FRMD4B: variants seen among roughly 807,000 people sequenced by gnomAD.
FRMD4B encodes the protein FERM domain-containing protein 4B.
In FRMD4B, 74 loss-of-function variants were observed where a neutral mutation model predicts 141.5. That is an observed-to-expected ratio of 0.52 (90% CI 0.43 to 0.63). The LOEUF (loss-of-function observed/expected upper bound fraction) is 0.63. FRMD4B is among the 30% of genes least tolerant of loss of function. The probability of loss-of-function intolerance (pLI) is 0.00; values close to 1 mark genes in which losing one functional copy is unlikely to be tolerated. For missense variants in FRMD4B, 1,366 were observed against 1,253.4 expected (o/e 1.09, Z -1.36); for synonymous variants, 506 against 467.9 (o/e 1.08, Z -1.05).
chr3:69,316,500 TAAAA>T (rs200299553), intron 1 of FRMD4B, among the ~76,000 whole-genome samples: 1 of 127,810 alleles, frequency 7.8e-6, no homozygotes, highest in African/African-American at 3.0e-5. Context: ...AATGTCTAAC[TAAAA>T]AAAAAAAAAA....
rs1292126554 is a variant in FRMD4B at position 69,216,282 on chromosome 3, T to A, written c.857A>T (p.Asp286Val). ...YKGIGQYDIQ[D>V]KVKPRKLFQW... ...ACTTACCTTCCGAGGCTTCACCTTG[T>A]CTTGTATATCATATTGGCCAATTCC... Residue 286 changes from aspartate (D) to valine (V), a missense_variant, in exon 11 of 23, where the codon GAC becomes GTC. Asp to Val is a radical substitution (Grantham distance 152). Transcript: ENST00000398540. 1 of 1,560,676 alleles carries A rather than the reference T, an allele frequency of 6.4e-7. No individual in the cohort carries two copies. The highest frequency in any genetic ancestry group is 1.8e-5 in the Admixed American group (1 of 56,134).
At chr3:69,335,655 T>C (rs1702522388) in intron 1 of FRMD4B, among the ~76,000 whole-genome samples, 1 of 151,368 alleles carries the variant, frequency 6.6e-6, no homozygotes, top group Non-Finnish European at 1.5e-5. Flanking sequence ...AGACAATTTT[T>C]CCCCCAATAC....
At chr3:69,254,229 C>G (rs979160119) in intron 5 of FRMD4B, among the ~76,000 whole-genome samples, 10 of 152,042 alleles carry the variant, frequency 6.6e-5, no homozygotes, top group African/African-American at 2.4e-4. Context: ...CTCAGCCTCC[C>G]AAGTAGCTGG....
intron 2 of FRMD4B, among the ~76,000 whole-genome samples, chr3:69,417,310 G>A (rs1704884727): frequency 6.6e-6 from 1 of 152,174 alleles, no homozygotes; most frequent in African/African-American, 2.4e-5. Context: ...CAGTGACGAT[G>A]AGCTTTTTTT....
chr3:69,426,517 G>A (rs771754500), intron 2 of FRMD4B, among the ~76,000 whole-genome samples: 2 of 152,098 alleles, frequency 1.3e-5, no homozygotes, highest in Admixed American at 6.6e-5. Flanking sequence ...TGTGAGACCC[G>A]TTCTGAGTTC....
In FRMD4B at chr3:69,181,808, A is replaced by G. The variant is rs139294486; in HGVS notation, c.2040-98T>C. 2.3e-5 allele frequency: 16 copies of G among 707,682 alleles called. No individual in the cohort carries two copies. The African/African-American group carries it at 2.9e-4, about 13-fold the overall frequency. 43.8% of individuals were successfully genotyped at this position (707,682 alleles called of 1,614,324 possible). On this transcript the variant is annotated intron_variant, in intron 20 of 22. Transcript: ENST00000398540. ...ATGCTGAATGACTGAATAGCTCGTG[A>G]ATTACAATAGGACTTTGAGTTGCCA...
chr3:69,333,818 A>G (rs920503023), intron 1 of FRMD4B: 2 of 152,210 alleles, frequency 1.3e-5, no homozygotes, highest in Admixed American at 1.3e-4. Flanking sequence ...GCTCTTGAGG[A>G]TAAAGTAGTG....
At chr3:69,498,971 G>C (rs1559546445) in intron 1 of FRMD4B, among the ~76,000 whole-genome samples, 3 of 152,086 alleles carry the variant, frequency 2.0e-5, no homozygotes, top group Admixed American at 6.5e-5. Flanking sequence ...TTAATATCAT[G>C]AAAAATAAAA....
intron 1 of FRMD4B, among the ~76,000 whole-genome samples, chr3:69,329,262 G>C (rs146937296): frequency 6.6e-6 from 1 of 152,284 alleles, no homozygotes; most frequent in Non-Finnish European, 1.5e-5. Flanking sequence ...CTCTAAAATA[G>C]ATTTACTAAT....
At chr3:69,329,445 G>A (rs1025318338) in intron 1 of FRMD4B, among the ~76,000 whole-genome samples, 1 of 150,416 alleles carries the variant, frequency 6.6e-6, no homozygotes. Context: ...TCCCTCCCGG[G>A]TTCAAGCAAT....
rs367760638 is a variant in FRMD4B, at chr3:69,207,525, G to A, written c.876+8738C>T. On this transcript the variant is annotated intron_variant, in intron 11 of 22. Transcript: ENST00000398540. ...ATGTAAAGGAATAGAAAAAACAATG[G>A]ACAGTCAGGCACCGTGGCTCATGCC... Among the ~76,000 whole-genome samples, 6 of 151,776 alleles carry A rather than the reference G, an allele frequency of 4.0e-5. No homozygotes were observed. In the East Asian group the frequency reaches 9.8e-4, roughly 25 times the overall value.
At chr3:69,504,895 C>G (rs1489620636) in intron 1 of FRMD4B, among the ~76,000 whole-genome samples, 1 of 152,200 alleles carries the variant, frequency 6.6e-6, no homozygotes, top group Non-Finnish European at 1.5e-5. Context: ...CTTGAGCACA[C>G]TGCTTCCTTT....
intron 9 of FRMD4B, among the ~76,000 whole-genome samples, chr3:69,220,222 G>A (rs1263990308): frequency 1.3e-5 from 2 of 152,154 alleles, no homozygotes; most frequent in Non-Finnish European, 2.9e-5. Flanking sequence ...ATGGCCTATT[G>A]CTCCTAGGCT....
intron 1 of FRMD4B, among the ~76,000 whole-genome samples, chr3:69,437,105 C>A (rs1441541859): frequency 6.6e-6 from 1 of 152,116 alleles, no homozygotes; most frequent in East Asian, 1.9e-4. Context: ...CAGAGTCTTA[C>A]TCTGTCGCCC....
At chr3:69,261,072 A>C (rs904588162) in intron 5 of FRMD4B, among the ~76,000 whole-genome samples, 3 of 152,160 alleles carry the variant, frequency 2.0e-5, no homozygotes, top group African/African-American at 7.2e-5. Flanking sequence ...CAGATTTCGC[A>C]ACCTGCTTGG....
intron 7 of FRMD4B, among the ~76,000 whole-genome samples, chr3:69,245,344 TG>T (rs2093416302): frequency 1.3e-5 from 2 of 150,282 alleles, no homozygotes; most frequent in African/African-American, 5.0e-5. Flanking sequence ...TGTGTGTGTG[TG>T]TGTGTGTGTT....
At chr3:69,423,418 C>T (rs977981689) in intron 2 of FRMD4B, among the ~76,000 whole-genome samples, 8 of 152,130 alleles carry the variant, frequency 5.3e-5, no homozygotes, top group South Asian at 4.1e-4. Flanking sequence ...CAAAATAAAG[C>T]GCTGCCCTCT....
At chr3:69,343,704 C>A (rs1702828356) in intron 1 of FRMD4B, among the ~76,000 whole-genome samples, 1 of 151,602 alleles carries the variant, frequency 6.6e-6, no homozygotes, top group Non-Finnish European at 1.5e-5. Context: ...CTCAGCCTCC[C>A]AAGTAGCTGG....
chr3:69,516,590 TGGC>T (rs1700761014), intron 1 of FRMD4B, among the ~76,000 whole-genome samples: 1 of 152,210 alleles, frequency 6.6e-6, no homozygotes, highest in Admixed American at 6.5e-5. Context: ...CGGTGAAACC[TGGC>T]AAGGACTTCT....
Sources: gnomAD v4.1 joint callset for allele counts (sites outside exome capture counted in the v4.1 genomes callset) on GRCh38, gnomAD v4.1.1 for gene constraint, MANE v1.5 for transcripts, NCBI Gene and HGNC (gene_info 2026-07-23, HGNC 2026-07-21) for gene names.